Variants in TRIM41 observed in about 807,000 individuals in gnomAD.
The protein encoded by TRIM41 is tripartite motif containing 41, also known as E3 ubiquitin-protein ligase TRIM41.
Under a neutral mutation model 60.6 loss-of-function variants are expected in TRIM41, and 21 were observed. That is an observed-to-expected ratio of 0.35 (90% confidence interval 0.25 to 0.50). The LOEUF (loss-of-function observed/expected upper bound fraction) is 0.50. Among genes scored for constraint, TRIM41 ranks in the 20% least tolerant of loss-of-function variants. The probability of loss-of-function intolerance (pLI) is 0.98; values close to 1 mark genes in which losing one functional copy is unlikely to be tolerated. For missense variants in TRIM41, 846 were observed against 868.3 expected (o/e 0.97, Z 0.32); for synonymous variants, 407 against 344.9 (o/e 1.18, Z -2.00).
chr5:181,230,955 G>T, intron 2 of TRIM41, 116 bp downstream of exon 2: 2 of 868,846 alleles, frequency 2.3e-6, no homozygotes, highest in Non-Finnish European at 3.9e-6. Flanking sequence ...GCTAAGGCCT[G>T]GGAGAGGGGT....
chr5:181,224,673 G>A lies in TRIM41; in HGVS notation c.674G>A (p.Gly225Asp). Reference sequence around the variant, plus strand: ...CGAGGGAGCCGCGTGACCGATCAGGGCATCTGTCCCAAACACCAAGAAGCC... The same window carrying A: ...CGAGGGAGCCGCGTGACCGATCAGGACATCTGTCCCAAACACCAAGAAGCC... ...PGRGSRVTDQ[G>D]ICPKHQEALK... is the part of the protein sequence containing the mutation. The change falls in exon 1 of 6, where the codon GGC (glycine) becomes GAC (aspartate). Residue 225 changes from glycine (G) to aspartate (D), a missense_variant. Coordinates refer to ENST00000315073, the MANE Select transcript of TRIM41 (RefSeq NM_033549.5). 6 of 1,614,232 alleles carry A rather than the reference G, an allele frequency of 3.7e-6. No homozygotes were observed. Among genetic ancestry groups the A allele is most frequent in the South Asian group, 1.1e-5 (1 of 91,086 alleles).
In TRIM41 at chr5:181,223,898, G is replaced by C. The variant is rs1398917351; in HGVS notation, c.-102G>C. 1 of 1,242,844 alleles carries C rather than the reference G, an allele frequency of 8.0e-7. No individual in the cohort carries two copies. 77.0% of individuals were successfully genotyped at this position (1,242,844 alleles called of 1,614,324 possible). A position where few individuals can be genotyped will look rare whatever the true frequency, so the allele number is the denominator to read the frequency against. On this transcript the variant is annotated 5_prime_UTR_variant, in exon 1 of 6. Transcript: ENST00000315073. ...CTGCTCTTGGGGCGAGGTGTGGAGG[G>C]GCAGGGCTGGGGGTGGAGCCGGGTC...
intron 1 of TRIM41, 151 bp downstream of exon 1, chr5:181,224,963 A>G: frequency 1.1e-6 from 1 of 915,362 alleles, no homozygotes; most frequent in Non-Finnish European, 1.7e-6. Flanking sequence ...ACTGCCACCA[A>G]GGTGGATTAG....
chr5:181,234,193 T>C lies in TRIM41; in HGVS notation c.1311T>C (p.Pro437=), dbSNP rs756785032. ...CCCAAGTGGACCTGACGCTGGACCC[T>C]GACACGGCTCACCCGGCCCTGATGC... is the stretch of plus-strand genomic sequence containing the variant. ...QAARVDLTLD[P]DTAHPALMLS... is the part of the protein sequence containing the mutation. The change falls in exon 6 of 6, where the codon CCT becomes CCC. Residue 437 remains proline, a synonymous_variant. Coordinates refer to ENST00000315073, the MANE Select transcript of TRIM41 (RefSeq NM_033549.5). This position sits in a 1 kb window ranked among gnomAD's most constrained non-coding sequence, Gnocchi z 5.6. 19 of 1,612,106 alleles carry C rather than the reference T, an allele frequency of 1.2e-5. No homozygotes were observed. The highest frequency in any genetic ancestry group is 1.4e-5 in the Non-Finnish European group (17 of 1,179,948).
Position 181,235,108 on chromosome 5 carries a change from A to C in TRIM41, c.*333A>C. On this transcript the variant is annotated 3_prime_UTR_variant, in exon 6 of 6. Transcript: ENST00000315073. Reference sequence around the variant, plus strand: ...GGGGATGAGGGGAAATTGTAATTTCATTCCTTAACTTCCTTTTCCCCACCC... The same window carrying C: ...GGGGATGAGGGGAAATTGTAATTTCCTTCCTTAACTTCCTTTTCCCCACCC... 1 of 1,598,226 alleles carries C rather than the reference A, an allele frequency of 6.3e-7. No individual in the cohort carries two copies. The highest frequency in any genetic ancestry group is 8.5e-7 in the Non-Finnish European group (1 of 1,172,554).
In TRIM41 at chr5:181,234,055, C is replaced by A; in HGVS notation, c.1292-119C>A. The A allele has an allele frequency of 2.0e-6, 3 of 1,536,244 alleles. No individual in the cohort carries two copies. Among genetic ancestry groups the A allele is most frequent in the Admixed American group, 1.7e-5 (1 of 59,174 alleles). ...GAGCCTGCAGGAATCTGAGGCTGGC[C>A]TCTGGGATGGTGTGGGGAGCTGGAT... On this transcript the variant is annotated intron_variant, in intron 5 of 5. Transcript: ENST00000315073. This position sits in a 1 kb window ranked among gnomAD's most constrained non-coding sequence, Gnocchi z 5.6.
chr5:181,230,792 G>C lies in TRIM41; in HGVS notation c.862G>C (p.Val288Leu), dbSNP rs1251814339. 2 of 1,613,230 alleles carry C rather than the reference G, an allele frequency of 1.2e-6. No individual in the cohort carries two copies. Among genetic ancestry groups the C allele is most frequent in the Non-Finnish European group, 1.7e-6 (2 of 1,179,532 alleles). ...ACCACTGAGGAAGCACCTGGAGGCA[G>C]TGCAGAAGATGAAAGCCAAGGAGGA... is the stretch of plus-strand genomic sequence containing the variant. Reference protein sequence around the residue: ...VEPLRKHLEAVQKMKAKEERR... With the variant: ...VEPLRKHLEALQKMKAKEERR... Residue 288 changes from valine to leucine, a missense_variant, in exon 2 of 6, where the codon GTG becomes CTG. Physicochemically the swap from Val to Leu is conservative, Grantham distance 32. Transcript: ENST00000315073.
At chr5:181,232,591 T>C in intron 2 of TRIM41, 68 bp from the exon 3 acceptor site, 1 of 1,476,372 alleles carries the variant, frequency 6.8e-7, no homozygotes, top group Non-Finnish European at 9.2e-7. Flanking sequence ...GAAGTAGTAG[T>C]TGCAAAACTG....
chr5:181,230,835 T>G lies in TRIM41; in HGVS notation c.905T>G (p.Leu302Arg), dbSNP rs759573750. 6.2e-7 allele frequency: 1 copy of G among 1,611,918 alleles called. No individual in the cohort carries two copies. The highest frequency in any genetic ancestry group is 1.7e-5 in the Admixed American group (1 of 59,936). The change falls in exon 2 of 6, where the codon CTG (leucine) becomes CGG (arginine). Residue 302 changes from leucine (L) to arginine (R), a missense_variant. Leu to Arg is a moderately radical substitution (Grantham distance 102, BLOSUM62 -2). Transcript: ENST00000315073. Reference sequence around the variant, plus strand: ...AAGGAGGAGAGGCGAGTGACAGAACTGAAGGTGGGTGAATGTTCTCGACGG... The same window carrying G: ...AAGGAGGAGAGGCGAGTGACAGAACGGAAGGTGGGTGAATGTTCTCGACGG... Reference protein sequence around the residue: ...KAKEERRVTELKSQMKSELAA... With the variant: ...KAKEERRVTERKSQMKSELAA...
In TRIM41 at chr5:181,234,938, A is replaced by G. The variant is rs1199037620; in HGVS notation, c.*163A>G. ...CCCCTGCTTCTCCCTCTAGGAGCCT[A>G]AAGAACCCTCCTGGCCTCCAGCTCA... is the stretch of plus-strand genomic sequence containing the variant. On this transcript the variant is annotated 3_prime_UTR_variant, in exon 6 of 6. Coordinates refer to ENST00000315073, the MANE Select transcript of TRIM41 (RefSeq NM_033549.5). The surrounding 1 kb of genome is among the most constrained non-coding windows in gnomAD (Gnocchi z 5.6). The G allele has an allele frequency of 3.1e-6, 5 of 1,613,800 alleles. No homozygotes were observed. The highest frequency in any genetic ancestry group is 1.7e-5 in the Admixed American group (1 of 60,002).
chr5:181,225,097 C>A lies in TRIM41; in HGVS notation c.813+285C>A, dbSNP rs1231115428. 3 of 502,210 alleles carry A rather than the reference C, an allele frequency of 6.0e-6. No individual in the cohort carries two copies. The Admixed American group carries it at 1.0e-4, about 17-fold the overall frequency. The allele number at this position is 502,210 out of a possible 1,614,324, so 31.1% of individuals were successfully genotyped here. A position where few individuals can be genotyped will look rare whatever the true frequency, so the allele number is the denominator to read the frequency against. On this transcript the variant is annotated intron_variant, in intron 1 of 5. Transcript: ENST00000315073. ...AGGTCTCTAGGGCTTTACCAGAAGTCTCGTTTTCTTTCGGGTGAGTCTTAA... is the reference window on the plus strand; with the variant it reads ...AGGTCTCTAGGGCTTTACCAGAAGTATCGTTTTCTTTCGGGTGAGTCTTAA...
In TRIM41 at chr5:181,224,675, A is replaced by G. The variant is rs1758464854; in HGVS notation, c.676A>G (p.Ile226Val). 6.2e-7 allele frequency: 1 copy of G among 1,614,230 alleles called. No individual in the cohort carries two copies. Among genetic ancestry groups the G allele is most frequent in the Non-Finnish European group, 8.5e-7 (1 of 1,180,036 alleles). The stretch of plus-strand genomic sequence containing the variant: ...AGGGAGCCGCGTGACCGATCAGGGC[A>G]TCTGTCCCAAACACCAAGAAGCCCT... ...GRGSRVTDQG[I>V]CPKHQEALKL... is the part of the protein sequence containing the mutation. Residue 226 changes from isoleucine to valine, a missense_variant, in exon 1 of 6, where the codon ATC becomes GTC. Ile to Val is a conservative substitution (Grantham distance 29, BLOSUM62 3). Transcript: ENST00000315073.
rs1466403665 is a variant in TRIM41 at position 181,234,678 on chromosome 5, C to A, written c.1796C>A (p.Ala599Asp). 3.7e-6 allele frequency: 6 copies of A among 1,614,090 alleles called. No individual in the cohort carries two copies. Among genetic ancestry groups the A allele is most frequent in the Non-Finnish European group, 5.1e-6 (6 of 1,180,050 alleles). The stretch of plus-strand genomic sequence containing the variant: ...GGCTTCTACAACGCAGAGACTCTAG[C>A]CCACGTGCACACCTTCTCGGCTGCC... Reference protein sequence around the residue: ...RLGFYNAETLAHVHTFSAAFL... With the variant: ...RLGFYNAETLDHVHTFSAAFL... Residue 599 changes from alanine to aspartate, a missense_variant, in exon 6 of 6, where the codon GCC (alanine) becomes GAC (aspartate). Physicochemically the swap from Ala to Asp is moderately radical, Grantham distance 126. Transcript: ENST00000315073. The surrounding 1 kb of genome is among the most constrained non-coding windows in gnomAD (Gnocchi z 5.6).
In TRIM41 at chr5:181,233,676, C is replaced by T; in HGVS notation, c.1204C>T (p.Pro402Ser). 1 of 1,614,222 alleles carries T rather than the reference C, an allele frequency of 6.2e-7. No individual in the cohort carries two copies. Among genetic ancestry groups the T allele is most frequent in the South Asian group, 1.1e-5 (1 of 91,086 alleles). ...VQLQPPEVWS[P>S]DPCQPHSHDF... is the part of the protein sequence containing the mutation. ...GCTGCAGCCCCCAGAGGTCTGGTCCCCTGACCCGTGCCAACCCCATAGCCA... is the reference window on the plus strand; with the variant it reads ...GCTGCAGCCCCCAGAGGTCTGGTCCTCTGACCCGTGCCAACCCCATAGCCA... Residue 402 changes from proline to serine, a missense_variant, in exon 5 of 6, where the codon CCT (proline) becomes TCT (serine). Pro to Ser is a moderately conservative substitution (Grantham distance 74). Coordinates refer to ENST00000315073, the MANE Select transcript of TRIM41 (RefSeq NM_033549.5). The surrounding 1 kb of genome is among the most constrained non-coding windows in gnomAD (Gnocchi z 4.1).
At chr5:181,230,961 G>A (rs542266885) in intron 2 of TRIM41, 122 bp downstream of exon 2, 1 of 816,196 alleles carries the variant, frequency 1.2e-6, no homozygotes, top group Non-Finnish European at 2.1e-6. Flanking sequence ...GCCTGGGAGA[G>A]GGGTAGATGC....
At chr5:181,229,852 C>T (rs958362354) in intron 1 of TRIM41, 1 of 152,062 alleles carries the variant, frequency 6.6e-6, no homozygotes, top group Non-Finnish European at 1.5e-5. Flanking sequence ...GAAAGGCACT[C>T]CCAGACAGAG....
At chr5:181,224,872 G>A (rs776654980) in intron 1 of TRIM41, 60 bp downstream of exon 1, 2 of 1,608,394 alleles carry the variant, frequency 1.2e-6, no homozygotes, top group Non-Finnish European at 8.5e-7. Context: ...GAAGTAAGGG[G>A]ACCTGGGAAA....
At chr5:181,229,505 A>G (rs1215413110) in intron 1 of TRIM41, 1 of 152,274 alleles carries the variant, frequency 6.6e-6, no homozygotes, top group Non-Finnish European at 1.5e-5. Flanking sequence ...CCCTTTAAAG[A>G]AAAGTATTTG....
rs1248370525 is a variant in TRIM41 at position 181,225,353 on chromosome 5, C to CT, written c.813+545dup. 1.9e-5 allele frequency: 3 copies of CT among 161,834 alleles called. No individual in the cohort carries two copies. In the East Asian group the frequency reaches 5.3e-4, roughly 29 times the overall value. The allele number at this position is 161,834 out of a possible 1,614,324, so 10.0% of individuals were successfully genotyped here. A position where few individuals can be genotyped will look rare whatever the true frequency, so the allele number is the denominator to read the frequency against. On this transcript the variant is annotated intron_variant, in intron 1 of 5. Coordinates refer to ENST00000315073, the MANE Select transcript of TRIM41 (RefSeq NM_033549.5). ...TTATGCACTGACTAGAAAGCAGGAG[C>CT]TTTTCAGTCAGAAGACCTGGCTCTG...
Sources: gnomAD v4.1 joint callset for allele counts on GRCh38, gnomAD v4.1.1 for gene constraint, Gnocchi (gnomAD v3.1) non-coding constraint, MANE v1.5 for transcripts, NCBI Gene and HGNC (gene_info 2026-07-23, HGNC 2026-07-21) for gene names.